The following FRAS1 variants were observed in gnomAD, a reference collection of about 807,000 sequenced individuals.
The protein encoded by FRAS1 is Fraser extracellular matrix complex subunit 1, also known as extracellular matrix organizing protein FRAS1.
FRAS1 carries 290 observed loss-of-function variants against 435.2 expected under a neutral mutation model. The observed-to-expected ratio is 0.67, with a 90% CI of 0.61 to 0.73. The LOEUF (loss-of-function observed/expected upper bound fraction) is 0.73. FRAS1 is among the 30% of genes least tolerant of loss of function. The pLI, the probability that FRAS1 is intolerant of heterozygous loss-of-function variation, is 0.00. For missense variants in FRAS1, 4,860 were observed against 5,001.5 expected, an observed-to-expected ratio of 0.97 and a Z score of 0.85; for synonymous variants, 1,800 against 1,851.0, an observed-to-expected ratio of 0.97 and a Z score of 0.71.
chr4:78,258,638 G>A (rs114024782), intron 6 of FRAS1, among the ~76,000 whole-genome samples: 3,855 of 118,876 alleles, frequency 0.032, 180 homozygotes, highest in African/African-American at 0.11. Context: ...TTTTTTTTTA[G>A]ATATTCTTTA....
chr4:78,122,859 G>A (rs1205536060), intron 2 of FRAS1, among the ~76,000 whole-genome samples: 1 of 151,944 alleles, frequency 6.6e-6, no homozygotes, highest in African/African-American at 2.4e-5. Context: ...TAAGTTCTTT[G>A]TAGATTTTGG....
At chr4:78,200,870 A>AAAAT (rs1553929569) in intron 2 of FRAS1, among the ~76,000 whole-genome samples, 1 of 139,720 alleles carries the variant, frequency 7.2e-6, no homozygotes, top group Non-Finnish European at 1.5e-5. Flanking sequence ...GCATGCCTTG[A>AAAAT]ATATATATAT....
At chr4:78,400,940 G>A (rs965840432) in intron 30 of FRAS1, 53 bp downstream of exon 30, 6 of 1,567,248 alleles carry the variant, frequency 3.8e-6, no homozygotes, top group Admixed American at 3.5e-5. Context: ...GCAGTCTAGG[G>A]TTTGCTACTG....
chr4:78,311,103 C>CTGACA (rs1729000927), intron 15 of FRAS1, among the ~76,000 whole-genome samples: 2 of 107,246 alleles, frequency 1.9e-5, no homozygotes, highest in Non-Finnish European at 4.6e-5. Flanking sequence ...CGGGCTGCAG[C>CTGACA]TAACATAATA....
chr4:78,205,017 G>A (rs931026343), intron 2 of FRAS1, among the ~76,000 whole-genome samples: 6 of 152,152 alleles, frequency 3.9e-5, no homozygotes, highest in Non-Finnish European at 7.3e-5. Flanking sequence ...TGTTTCCTAA[G>A]CTCCAGGGGA....
At chr4:78,189,497 A>G (rs939142319) in intron 2 of FRAS1, among the ~76,000 whole-genome samples, 1 of 152,258 alleles carries the variant, frequency 6.6e-6, no homozygotes, top group Non-Finnish European at 1.5e-5. Context: ...AGAACATGAT[A>G]TGAGCAGAAG....
Position 78,363,889 on chromosome 4 carries a change from GTC to G in FRAS1, c.2576-15_2576-14del. ...AATCTGACATCATGGTTTCTGTTGT[GTC>G]TCTTTTTCCTCTGCAGAATGCCACT... On this transcript the variant is annotated splice_polypyrimidine_tract_variant and intron_variant, in intron 21 of 73. Coordinates refer to ENST00000512123, the MANE Select transcript of FRAS1 (RefSeq NM_025074.7). 1 of 1,598,094 alleles carries G rather than the reference GTC, an allele frequency of 6.3e-7. No homozygotes were observed. The highest frequency in any genetic ancestry group is 8.5e-7 in the Non-Finnish European group (1 of 1,171,338).
intron 28 of FRAS1, among the ~76,000 whole-genome samples, chr4:78,384,656 G>A (rs1732150375): frequency 6.6e-6 from 1 of 152,010 alleles, no homozygotes; most frequent in African/African-American, 2.4e-5. Context: ...CACTTTGGGA[G>A]GCTGAGGCAG....
At chr4:78,092,226 C>T (rs1172603604) in intron 2 of FRAS1, among the ~76,000 whole-genome samples, 3 of 152,110 alleles carry the variant, frequency 2.0e-5, no homozygotes, top group Non-Finnish European at 4.4e-5. Flanking sequence ...GTTATTTAAG[C>T]TACGCACAAC....
At chr4:78,238,948 A>G (rs1724881042) in intron 3 of FRAS1, among the ~76,000 whole-genome samples, 1 of 152,252 alleles carries the variant, frequency 6.6e-6, no homozygotes, top group Non-Finnish European at 1.5e-5. Flanking sequence ...TGATTGAAAA[A>G]ATAAAAAATA....
Position 78,540,956 on chromosome 4 carries a change from G to A in FRAS1, c.11871G>A (p.Arg3957=), listed in dbSNP as rs367585112. Residue 3957 remains arginine, a synonymous_variant, in exon 74 of 74, where the codon AGG becomes AGA. Coordinates refer to ENST00000512123, the MANE Select transcript of FRAS1 (RefSeq NM_025074.7). ...ATACCAAGGTAGAAGTGCCCAAGAG[G>A]CACCCGGACCGGGTGGAGAAGAACG... ...PLNTKVEVPK[R]HPDRVEKNVN... is the part of the protein sequence containing the mutation. The A allele has an allele frequency of 6.7e-5, 108 of 1,613,866 alleles. 1 individual carries two copies. Among genetic ancestry groups the A allele is most frequent in the African/African-American group, 3.2e-4 (24 of 75,018 alleles).
chr4:78,369,839 A>G lies in FRAS1; in HGVS notation c.2724A>G (p.Pro908=), dbSNP rs1319533921. ...HYLDDNHVCQ[P]CNTHCGSCDS... ...CATTTTCTTTTCCTGTCTGCTCAGC[A>G]TGCAACACACACTGTGGAAGCTGTG... is the stretch of plus-strand genomic sequence containing the variant. The change falls in exon 23 of 74, where the codon CCA becomes CCG. Residue 908 remains proline, a splice_region_variant and synonymous_variant. Transcript: ENST00000512123. 2 of 1,611,714 alleles carry G rather than the reference A, an allele frequency of 1.2e-6. No individual in the cohort carries two copies. Among genetic ancestry groups the G allele is most frequent in the African/African-American group, 1.3e-5 (1 of 74,848 alleles).
At chr4:78,117,935 T>C (rs1415942850) in intron 2 of FRAS1, among the ~76,000 whole-genome samples, 1 of 152,278 alleles carries the variant, frequency 6.6e-6, no homozygotes, top group African/African-American at 2.4e-5. Flanking sequence ...GTTTTTCTGC[T>C]CTGTTTTTTC....
At chr4:78,181,314 C>T in intron 2 of FRAS1, 2 of 1,608,408 alleles carry the variant, frequency 1.2e-6, no homozygotes, top group East Asian at 2.2e-5. Context: ...TCTTCACCTT[C>T]AGGTGTTTCG....
chr4:78,101,680 C>G (rs185461940), intron 2 of FRAS1, among the ~76,000 whole-genome samples: 36 of 152,256 alleles, frequency 2.4e-4, no homozygotes, highest in African/African-American at 8.7e-4. Flanking sequence ...GGCCCAATTT[C>G]TAATAACATA....
At position 78,150,136 on chromosome 4, in the gene FRAS1, T is replaced by A. The variant is rs76980002; in HGVS notation, c.108+84120T>A. 1.0e-2 allele frequency among the ~76,000 whole-genome samples: 1,518 copies of A among 152,338 alleles called. 28 individuals are homozygous for A. Among genetic ancestry groups the A allele is most frequent in the African/African-American group, 0.034 (1,434 of 41,566 alleles). ...AGGAGGTGATTCCAGCAGCTTTGCC[T>A]GTTTTCTCAGGCAGGAGGAAGGCCC... On this transcript the variant is annotated intron_variant, in intron 2 of 73. Coordinates refer to ENST00000512123, the MANE Select transcript of FRAS1 (RefSeq NM_025074.7).
chr4:78,139,495 T>C (rs1720069582), intron 2 of FRAS1, among the ~76,000 whole-genome samples: 1 of 152,208 alleles, frequency 6.6e-6, no homozygotes, highest in East Asian at 1.9e-4. Context: ...TTTTCATCTT[T>C]GGGACTCCTT....
intron 58 of FRAS1, among the ~76,000 whole-genome samples, chr4:78,488,274 T>A (rs560374937): frequency 6.6e-6 from 1 of 152,370 alleles, no homozygotes; most frequent in South Asian, 2.1e-4. Context: ...GTTTGCTATT[T>A]TTGAATTCAG....
chr4:78,063,388 G>C (rs1404667793), intron 1 of FRAS1, among the ~76,000 whole-genome samples: 1 of 152,152 alleles, frequency 6.6e-6, no homozygotes, highest in Non-Finnish European at 1.5e-5. Flanking sequence ...TAGAAATGAG[G>C]TTTTGGAAGC....
Sources: allele counts gnomAD v4.1 joint callset (sites outside exome capture counted in the v4.1 genomes callset), GRCh38; gene constraint gnomAD v4.1.1; transcripts MANE v1.5; gene names NCBI Gene and HGNC (gene_info 2026-07-23, HGNC 2026-07-21).